NGLY1: variants seen among roughly 807,000 people sequenced by gnomAD.
NGLY1 encodes the protein peptide-N(4)-(N-acetyl-beta-glucosaminyl)asparagine amidase.
In NGLY1, 68 loss-of-function variants were observed where a neutral mutation model predicts 84.6. That is an observed-to-expected ratio of 0.80 (90% CI 0.66 to 0.98). The LOEUF (loss-of-function observed/expected upper bound fraction) is 0.98, where lower values mean the gene tolerates loss of function less well. Among genes scored for constraint, NGLY1 ranks in the 50% least tolerant of loss-of-function variants. NGLY1 has a pLI of 0.00. For missense variants in NGLY1, 779 were observed against 770.2 expected (o/e 1.01, Z -0.14); for synonymous variants, 280 against 275.2 (o/e 1.02, Z -0.17).
chr3:25,768,473 G>A (rs1034409286), intron 2 of NGLY1, among the ~76,000 whole-genome samples: 4 of 148,230 alleles, frequency 2.7e-5, no homozygotes, highest in Non-Finnish European at 4.5e-5. Flanking sequence ...AGACCTTAAA[G>A]TATAACCTTA....
chr3:25,772,454 G>C (rs1386314282), intron 2 of NGLY1, among the ~76,000 whole-genome samples: 1 of 152,038 alleles, frequency 6.6e-6, no homozygotes, highest in African/African-American at 2.4e-5. Context: ...TCTAAGAATA[G>C]TTACTCCTGC....
chr3:25,789,927 G>A, exon 1 of NGLY1: 1 of 1,548,984 alleles, frequency 6.5e-7, no homozygotes, highest in South Asian at 1.2e-5. Flanking sequence ...GGGCGTCTCT[G>A]CTCACGCAAA....
intron 2 of NGLY1, among the ~76,000 whole-genome samples, chr3:25,764,809 G>A (rs1333627867): frequency 6.6e-6 from 1 of 152,132 alleles, no homozygotes; most frequent in Admixed American, 6.5e-5. Flanking sequence ...AGTCTTTAAA[G>A]AATAGCTACA....
At position 25,732,498 on chromosome 3, in the gene NGLY1, T is replaced by A. The variant is rs748868283; in HGVS notation, c.1261-15A>T. ...AACAGTTGCCTCTGTAATTCATGTT[T>A]TTTAAAAAAGTTGTTAAGATTAGGG... On this transcript the variant is annotated splice_polypyrimidine_tract_variant and intron_variant, in intron 8 of 11. Transcript: ENST00000280700. The A allele has an allele frequency of 5.6e-6, 9 of 1,606,448 alleles. No individual in the cohort carries two copies. The highest frequency in any genetic ancestry group is 7.6e-6 in the Non-Finnish European group (9 of 1,176,782).
At position 25,729,174 on chromosome 3, in the gene NGLY1, T is replaced by C. The variant is rs983667094; in HGVS notation, c.1570A>G (p.Met524Val). 5 of 1,545,180 alleles carry C rather than the reference T, an allele frequency of 3.2e-6. No individual in the cohort carries two copies. The African/African-American group carries it at 6.9e-5, about 21-fold the overall frequency. The change falls in exon 10 of 12, where the codon ATG becomes GTG. Residue 524 changes from methionine (M) to valine (V), a missense_variant. Physicochemically the swap from Met to Val is conservative, Grantham distance 21 (BLOSUM62 1). Coordinates refer to ENST00000280700, the MANE Select transcript of NGLY1 (RefSeq NM_018297.4). ...TCAACTTTTCTGAATATAGATTCCA[T>C]TTTCCACACGCCATTCTCCCATCCA... ...ISGWENGVWK[M>V]ESIFRKVETD...
At chr3:25,770,887 T>G (rs1707860916) in intron 2 of NGLY1, among the ~76,000 whole-genome samples, 1 of 152,186 alleles carries the variant, frequency 6.6e-6, no homozygotes, top group African/African-American at 2.4e-5. Context: ...TTAGCCAACT[T>G]TTTGATGGGA....
Position 25,733,854 on chromosome 3 carries a change from AAGAT to A in NGLY1, c.1260+14_1260+17del, listed in dbSNP as rs778136830. On this transcript the variant is annotated intron_variant, in intron 8 of 11. Transcript: ENST00000280700. ...AAAAATGTCAACTGTTCTTTCAAAA[AAGAT>A]AGCCACACCATACCTGCTTATTAAG... is the stretch of plus-strand genomic sequence containing the variant. 5.1e-6 allele frequency: 8 copies of A among 1,563,584 alleles called. No individual in the cohort carries two copies. The African/African-American group carries it at 8.1e-5, about 16-fold the overall frequency.
rs1310948513 is a variant in NGLY1, at chr3:25,732,401, TTGGGAGA to T, written c.1336_1342del (p.Ser446LysfsTer20). ...CCCAAGTTCTCCAGGTTTAGGGGTT[TTGGGAGA>T]TATAAATTCAACAAGCTCCACAATT... On this transcript the variant is annotated frameshift_variant, in exon 9 of 12. Transcript: ENST00000280700. LOFTEE classifies it high-confidence loss of function. 6.2e-7 allele frequency: 1 copy of T among 1,613,762 alleles called. No homozygotes were observed. Among genetic ancestry groups the T allele is most frequent in the Non-Finnish European group, 8.5e-7 (1 of 1,179,740 alleles).
In NGLY1 at chr3:25,778,631, A is replaced by G; in HGVS notation, c.189T>C (p.Thr63=). Residue 63 remains threonine, a synonymous_variant, in exon 2 of 12, where the codon ACT becomes ACC. Coordinates refer to ENST00000280700, the MANE Select transcript of NGLY1 (RefSeq NM_018297.4). ...SIRIGNTAFS[T]RLLPVRGAVE... ...CAGCTCCTCTGACAGGCAAGAGTCT[A>G]GTAGAAAAGGCTGTGTTTCCAATCC... The G allele has an allele frequency of 6.2e-7, 1 of 1,613,092 alleles. No individual in the cohort carries two copies. The highest frequency in any genetic ancestry group is 8.5e-7 in the Non-Finnish European group (1 of 1,179,472).
At chr3:25,760,733 G>A (rs368856526) in intron 3 of NGLY1, among the ~76,000 whole-genome samples, 3 of 151,924 alleles carry the variant, frequency 2.0e-5, no homozygotes, top group African/African-American at 7.3e-5. Flanking sequence ...GGTGGCACAT[G>A]CCTGTAATCC....
At chr3:25,754,301 A>G (rs909032491) in intron 3 of NGLY1, among the ~76,000 whole-genome samples, 1 of 152,202 alleles carries the variant, frequency 6.6e-6, no homozygotes, top group African/African-American at 2.4e-5. Flanking sequence ...TTGTGGCACA[A>G]TAGGAAGGAT....
intron 4 of NGLY1, among the ~76,000 whole-genome samples, chr3:25,743,078 C>A (rs569667636): frequency 1.3e-5 from 2 of 151,982 alleles, no homozygotes; most frequent in African/African-American, 4.8e-5. Context: ...AAGATGCTGG[C>A]CTTAAGACCA....
chr3:25,779,476 T>C (rs761980270), intron 1 of NGLY1, among the ~76,000 whole-genome samples: 7 of 152,190 alleles, frequency 4.6e-5, no homozygotes, highest in Non-Finnish European at 8.8e-5. Flanking sequence ...TTTAGGATGA[T>C]AAGTTTCATA....
chr3:25,721,593 C>T (rs1216248481), intron 10 of NGLY1, among the ~76,000 whole-genome samples: 3 of 151,238 alleles, frequency 2.0e-5, no homozygotes, highest in Admixed American at 6.6e-5. Context: ...ACTAAAAATA[C>T]AAAATATTAG....
intron 11 of NGLY1, 137 bp downstream of exon 11, chr3:25,719,877 A>G (rs1704891844): frequency 1.4e-6 from 1 of 693,136 alleles, no homozygotes; most frequent in Non-Finnish European, 2.1e-6. Context: ...CACAGGGTTT[A>G]TTAAATTTTT....
intron 4 of NGLY1, among the ~76,000 whole-genome samples, chr3:25,748,351 T>C (rs891376993): frequency 6.6e-6 from 1 of 152,166 alleles, no homozygotes; most frequent in Non-Finnish European, 1.5e-5. Context: ...GAGGAGTTCT[T>C]AGGGAAGCCT....
chr3:25,732,229 T>C (rs1451926703), intron 9 of NGLY1, 90 bp downstream of exon 9: 2 of 1,152,862 alleles, frequency 1.7e-6, no homozygotes, highest in Non-Finnish European at 2.4e-6. Context: ...TGAAAGGTCA[T>C]AGTCAATGCA....
chr3:25,774,435 G>A (rs1173772027), intron 2 of NGLY1, among the ~76,000 whole-genome samples: 1 of 152,186 alleles, frequency 6.6e-6, no homozygotes, highest in Non-Finnish European at 1.5e-5. Flanking sequence ...GCATGTCTGA[G>A]AGCAGACTCT....
At chr3:25,763,714 T>C (rs952719421) in intron 3 of NGLY1, among the ~76,000 whole-genome samples, 1 of 152,242 alleles carries the variant, frequency 6.6e-6, no homozygotes, top group African/African-American at 2.4e-5. Flanking sequence ...ATATTAATAA[T>C]AAAATTTCAC....
Sources: gnomAD v4.1 joint callset for allele counts (sites outside exome capture counted in the v4.1 genomes callset) on GRCh38, gnomAD v4.1.1 for gene constraint, MANE v1.5 for transcripts, NCBI Gene and HGNC (gene_info 2026-07-23, HGNC 2026-07-21) for gene names.